The following TCP11L2 variants were observed in gnomAD, a reference collection of about 807,000 sequenced individuals.
TCP11L2 encodes the protein T-complex protein 11-like protein 2.
Under a neutral mutation model 50.7 loss-of-function variants are expected in TCP11L2, and 39 were observed. The observed-to-expected ratio is 0.77, with a 90% CI of 0.60 to 1.01. TCP11L2 has a LOEUF of 1.01. TCP11L2 is among the 50% of genes least tolerant of loss of function. The probability of loss-of-function intolerance (pLI) is 0.00; values close to 1 mark genes in which losing one functional copy is unlikely to be tolerated. For missense variants in TCP11L2, 612 were observed against 614.7 expected (o/e 1.00, Z 0.05); for synonymous variants, 192 against 219.3 (o/e 0.88, Z 1.10).
At chr12:106,330,576 A>G (rs1565855294) in intron 6 of TCP11L2, among the ~76,000 whole-genome samples, 1 of 152,212 alleles carries the variant, frequency 6.6e-6, no homozygotes, top group Non-Finnish European at 1.5e-5. Flanking sequence ...GACACCCTAA[A>G]TAAAGAATTG....
At chr12:106,325,742 A>G (rs1409806319) in intron 6 of TCP11L2, 1 of 152,062 alleles carries the variant, frequency 6.6e-6, no homozygotes, top group African/African-American at 2.4e-5. Flanking sequence ...AAATCTAAAA[A>G]TTAGCCGGGA....
At chr12:106,319,485 G>C (rs2035256989) in intron 4 of TCP11L2, among the ~76,000 whole-genome samples, 1 of 152,218 alleles carries the variant, frequency 6.6e-6, no homozygotes. Flanking sequence ...GTAGCGTGAA[G>C]GCTGGAAAAA....
intron 3 of TCP11L2, among the ~76,000 whole-genome samples, chr12:106,316,501 T>C (rs2035087743): frequency 6.6e-6 from 1 of 152,086 alleles, no homozygotes; most frequent in South Asian, 2.1e-4. Context: ...TTTGTTCCTC[T>C]GACTTCTTCT....
chr12:106,308,552 A>G (rs1013191406), intron 1 of TCP11L2, among the ~76,000 whole-genome samples: 5 of 152,358 alleles, frequency 3.3e-5, no homozygotes, highest in Middle Eastern at 3.4e-3. Flanking sequence ...GCCAGAGCTC[A>G]TTTGAGGGCA....
intron 6 of TCP11L2, among the ~76,000 whole-genome samples, chr12:106,334,948 A>G (rs373506407): frequency 2.0e-5 from 3 of 152,230 alleles, no homozygotes; most frequent in Middle Eastern, 3.4e-3. Flanking sequence ...CTTAAAAAAA[A>G]AGAAAAGAAA....
At chr12:106,320,452 A>G (rs1318073154) in intron 4 of TCP11L2, among the ~76,000 whole-genome samples, 1 of 152,134 alleles carries the variant, frequency 6.6e-6, no homozygotes, top group Non-Finnish European at 1.5e-5. Context: ...TGGGGCTGCC[A>G]TCTGTGTGGA....
intron 3 of TCP11L2, among the ~76,000 whole-genome samples, chr12:106,317,601 A>G (rs2035142414): frequency 6.6e-6 from 1 of 152,232 alleles, no homozygotes; most frequent in African/African-American, 2.4e-5. Context: ...CAGGCACTGT[A>G]CTAGGCACAA....
At chr12:106,325,708 C>G (rs1056203417) in intron 6 of TCP11L2, 7 of 152,088 alleles carry the variant, frequency 4.6e-5, no homozygotes, top group African/African-American at 1.2e-4. Context: ...GCCTGGCCAA[C>G]ATGCTGAAAC....
intron 8 of TCP11L2, among the ~76,000 whole-genome samples, chr12:106,338,769 A>G (rs2036000175): frequency 6.6e-6 from 1 of 152,256 alleles, no homozygotes; most frequent in South Asian, 2.1e-4. Flanking sequence ...GAACTAATTT[A>G]CATTCCCACC....
At chr12:106,315,908 T>C (rs1016826813) in intron 3 of TCP11L2, among the ~76,000 whole-genome samples, 15 of 152,250 alleles carry the variant, frequency 9.9e-5, no homozygotes, top group African/African-American at 3.6e-4. Context: ...AGGCATTCTA[T>C]CAGTTAAGAC....
intron 4 of TCP11L2, among the ~76,000 whole-genome samples, chr12:106,319,067 G>T (rs982880743): frequency 6.6e-6 from 1 of 151,914 alleles, no homozygotes; most frequent in African/African-American, 2.4e-5. Flanking sequence ...GCCCGCCACC[G>T]CGCCCAGCTA....
intron 9 of TCP11L2, 115 bp downstream of exon 9, chr12:106,341,113 T>A (rs1346852908): frequency 2.4e-6 from 2 of 835,318 alleles, no homozygotes; most frequent in African/African-American, 3.4e-5. Context: ...TTTTGGAGGA[T>A]AAATATTGAA....
chr12:106,332,909 G>GT, intron 6 of TCP11L2, among the ~76,000 whole-genome samples: 1 of 152,154 alleles, frequency 6.6e-6, no homozygotes, highest in African/African-American at 2.4e-5. Flanking sequence ...GCTACATATT[G>GT]TATGATTCTA....
chr12:106,313,325 C>T (rs533860243), intron 2 of TCP11L2, among the ~76,000 whole-genome samples: 22 of 152,214 alleles, frequency 1.4e-4, no homozygotes, highest in African/African-American at 4.8e-4. Context: ...TGGCTTACAC[C>T]TGTAATCCCA....
At chr12:106,341,615 CT>C (rs2036096182) in intron 9 of TCP11L2, among the ~76,000 whole-genome samples, 1 of 152,210 alleles carries the variant, frequency 6.6e-6, no homozygotes, top group African/African-American at 2.4e-5. Flanking sequence ...GTAGGACTGG[CT>C]TCTGGTACAG....
chr12:106,311,154 A>ATATCTCCTT lies in TCP11L2; in HGVS notation c.80_81insATCTCCTTT (p.Met27delinsIleSerProLeu), dbSNP rs1291167437. On this transcript the variant is annotated protein_altering_variant, in exon 2 of 10. Coordinates refer to ENST00000299045, the MANE Select transcript of TCP11L2 (RefSeq NM_152772.3). ...TGATTCTTCCCGGTTTTCCGAAAGC[A>ATATCTCCTT]TGGCTTCGCTCAGTGACTATGAATG... 1.2e-6 allele frequency: 2 copies of ATATCTCCTT among 1,614,216 alleles called. No individual in the cohort carries two copies. Among genetic ancestry groups the ATATCTCCTT allele is most frequent in the South Asian group, 2.2e-5 (2 of 91,088 alleles).
intron 8 of TCP11L2, among the ~76,000 whole-genome samples, chr12:106,338,136 G>A (rs1174842009): frequency 6.6e-6 from 1 of 152,150 alleles, no homozygotes; most frequent in African/African-American, 2.4e-5. Context: ...AGCTGAAAGA[G>A]GATTTATTGA....
At chr12:106,339,601 G>A (rs931660426) in intron 8 of TCP11L2, among the ~76,000 whole-genome samples, 1 of 152,156 alleles carries the variant, frequency 6.6e-6, no homozygotes. Context: ...GGTTTTTAAA[G>A]GTCTTATAGT....
At position 106,336,059 on chromosome 12, in the gene TCP11L2, C is replaced by T. The variant is rs1316477688; in HGVS notation, c.988C>T (p.Gln330Ter). The part of the protein sequence containing the change: ...ETLMTDGARL[Q>*]ELTEKLNQLK... ...ACTTATGACAGATGGAGCACGTCTT[C>T]AGGAACTAACAGAAAAGCTGAATCA... Residue 330 changes from glutamine (Q) to a stop codon, truncating the protein, a stop_gained, in exon 8 of 10, where the codon CAG becomes TAG. Coordinates refer to ENST00000299045, the MANE Select transcript of TCP11L2 (RefSeq NM_152772.3). LOFTEE classifies it high-confidence loss of function. 6.2e-7 allele frequency: 1 copy of T among 1,613,390 alleles called. No individual in the cohort carries two copies. The highest frequency in any genetic ancestry group is 8.5e-7 in the Non-Finnish European group (1 of 1,179,760).
Sources: allele counts gnomAD v4.1 joint callset (sites outside exome capture counted in the v4.1 genomes callset), GRCh38; gene constraint gnomAD v4.1.1; transcripts MANE v1.5; gene names NCBI Gene and HGNC (gene_info 2026-07-23, HGNC 2026-07-21).